The following ARID2 variants were observed in gnomAD, a reference collection of about 807,000 sequenced individuals.
The protein encoded by ARID2 is AT-rich interactive domain-containing protein 2.
Under a neutral mutation model 184.6 loss-of-function variants are expected in ARID2, and 32 were observed. The ratio of observed to expected loss-of-function variants is 0.17; its 90% CI spans 0.13 to 0.23. ARID2 has a LOEUF of 0.23. ARID2 is among the 10% of genes least tolerant of loss of function. The probability of loss-of-function intolerance (pLI) is 1.00; values close to 1 mark genes in which losing one functional copy is unlikely to be tolerated. For synonymous variants in ARID2, 836 were observed against 772.6 expected, an observed-to-expected ratio of 1.08 and a Z score of -1.36; for missense variants, 1,696 against 2,197.6, an observed-to-expected ratio of 0.77 and a Z score of 4.56.
intron 3 of ARID2, among the ~76,000 whole-genome samples, chr12:45,742,639 G>T (rs965024350): frequency 6.6e-6 from 1 of 152,054 alleles, no homozygotes; most frequent in Non-Finnish European, 1.5e-5. Flanking sequence ...GCTGCATAAT[G>T]TTCCCATCGT....
chr12:45,793,106 C>G (rs1276766454), intron 3 of ARID2, among the ~76,000 whole-genome samples: 1 of 152,046 alleles, frequency 6.6e-6, no homozygotes, highest in East Asian at 1.9e-4. Flanking sequence ...CGAGACCAGC[C>G]TGGCTAACAT....
intron 16 of ARID2, among the ~76,000 whole-genome samples, chr12:45,870,385 C>G (rs1208626174): frequency 3.3e-5 from 5 of 152,194 alleles, no homozygotes; most frequent in African/African-American, 1.2e-4. Flanking sequence ...ACAGTTTCCA[C>G]TATTATTGAC....
chr12:45,784,160 GTTTGT>G (rs978243497), intron 3 of ARID2, among the ~76,000 whole-genome samples: 7 of 151,696 alleles, frequency 4.6e-5, no homozygotes, highest in Non-Finnish European at 1.0e-4. Flanking sequence ...TGGCTAATTT[GTTTGT>G]TTTATTTTTA....
rs1943539916 is a variant in ARID2 at position 45,851,065 on chromosome 12, A to G, written c.2942A>G (p.Asn981Ser). 1.2e-6 allele frequency: 2 copies of G among 1,614,004 alleles called. No individual in the cohort carries two copies. The highest frequency in any genetic ancestry group is 1.7e-5 in the Admixed American group (1 of 60,002). Residue 981 changes from asparagine (N) to serine (S), a missense_variant, in exon 15 of 21, where the codon AAT becomes AGT. Asn to Ser is a conservative substitution (Grantham distance 46). Around this residue, in one of 11 missense-constraint regions of ARID2, gnomAD observed 713 missense variants for 824.4 expected, o/e 0.86. Coordinates refer to ENST00000334344, the MANE Select transcript of ARID2 (RefSeq NM_152641.4). ...SSSPSPVPATNNQVPTAMSSS... is the reference protein window; with the variant it reads ...SSSPSPVPATSNQVPTAMSSS... ...TCACCATCACCTGTCCCAGCTACTA[A>G]TAACCAAGTCCCTACTGCCATGTCG...
chr12:45,808,168 T>C (rs955246875), intron 3 of ARID2, among the ~76,000 whole-genome samples: 5 of 152,222 alleles, frequency 3.3e-5, no homozygotes, highest in Non-Finnish European at 5.9e-5. Flanking sequence ...TCTGTTGATA[T>C]GTAAACTCAA....
chr12:45,904,011 G>A (rs1944490267), intron 20 of ARID2, among the ~76,000 whole-genome samples: 1 of 151,972 alleles, frequency 6.6e-6, no homozygotes. Context: ...ACAGTTCTGG[G>A]TGATTTTTAC....
intron 15 of ARID2, among the ~76,000 whole-genome samples, chr12:45,854,610 T>G (rs754033490): frequency 2.0e-5 from 3 of 152,204 alleles, no homozygotes; most frequent in Non-Finnish European, 2.9e-5. Flanking sequence ...TCACCTTGAT[T>G]ATGTGCCTGT....
In ARID2 at chr12:45,905,431, G is replaced by T. The variant is rs897245144; in HGVS notation, c.*353G>T. ...ATGGAATATTGTAAAACCTACATGAGCAGATGAAATAGAAGCATTAAATAT... is the reference window on the plus strand; with the variant it reads ...ATGGAATATTGTAAAACCTACATGATCAGATGAAATAGAAGCATTAAATAT... On this transcript the variant is annotated 3_prime_UTR_variant, in exon 21 of 21. Transcript: ENST00000334344. 1 of 237,942 alleles carries T rather than the reference G, an allele frequency of 4.2e-6. No homozygotes were observed. Among genetic ancestry groups the T allele is most frequent in the African/African-American group, 2.2e-5 (1 of 45,550 alleles). The allele number at this position is 237,942 out of a possible 1,614,324, so 14.7% of individuals were successfully genotyped here.
At chr12:45,857,471 CTTTT>C (rs1943670363) in intron 15 of ARID2, among the ~76,000 whole-genome samples, 1 of 152,028 alleles carries the variant, frequency 6.6e-6, no homozygotes, top group African/African-American at 2.4e-5. Context: ...TATTACATAA[CTTTT>C]TTGTTTATAT....
chr12:45,895,716 G>A (rs916589702), intron 20 of ARID2, among the ~76,000 whole-genome samples: 2 of 152,084 alleles, frequency 1.3e-5, no homozygotes, highest in African/African-American at 2.4e-5. Flanking sequence ...TGTATTTTTA[G>A]TAGCGACAGA....
chr12:45,777,925 G>A (rs570809300), intron 3 of ARID2, among the ~76,000 whole-genome samples: 1 of 151,640 alleles, frequency 6.6e-6, no homozygotes, highest in African/African-American at 2.4e-5. Flanking sequence ...GTTAAAACCG[G>A]CCAGGCCCAG....
intron 5 of ARID2, 126 bp downstream of exon 5, chr12:45,818,014 G>T: frequency 1.5e-6 from 1 of 674,356 alleles, no homozygotes; most frequent in South Asian, 2.6e-5. Flanking sequence ...TTTATATTAT[G>T]CATTATTTAA....
At chr12:45,866,427 G>A (rs985574913) in intron 16 of ARID2, among the ~76,000 whole-genome samples, 1 of 152,128 alleles carries the variant, frequency 6.6e-6, no homozygotes, top group African/African-American at 2.4e-5. Context: ...CAGAACTGTG[G>A]TGAATAATTT....
At chr12:45,811,275 C>G (rs1942703280) in intron 3 of ARID2, 143 bp from the exon 4 acceptor site, 8 of 810,468 alleles carry the variant, frequency 9.9e-6, no homozygotes, top group Non-Finnish European at 1.3e-5. Flanking sequence ...ACTGGAGTTA[C>G]TGTTCTAATA....
intron 6 of ARID2, among the ~76,000 whole-genome samples, chr12:45,825,970 G>A (rs943512113): frequency 6.6e-6 from 1 of 151,976 alleles, no homozygotes; most frequent in Non-Finnish European, 1.5e-5. Context: ...ATCCTTACAG[G>A]CTTGGTTTCT....
chr12:45,849,029 C>A, intron 13 of ARID2, 59 bp downstream of exon 13: 1 of 1,533,320 alleles, frequency 6.5e-7, no homozygotes, highest in South Asian at 1.2e-5. Flanking sequence ...ATCTCTTGCT[C>A]TTTAAAGAAA....
At chr12:45,796,405 C>T (rs1249912544) in intron 3 of ARID2, among the ~76,000 whole-genome samples, 2 of 152,036 alleles carry the variant, frequency 1.3e-5, no homozygotes, top group Non-Finnish European at 2.9e-5. Context: ...TCCTTATAAG[C>T]AGTGACAGTT....
chr12:45,849,046 A>G (rs1164304544), intron 13 of ARID2, 76 bp downstream of exon 13: 3 of 1,472,174 alleles, frequency 2.0e-6, no homozygotes, highest in East Asian at 2.3e-5. Context: ...GAAAATACCA[A>G]ATATCTTATC....
rs1239130956 is a variant in ARID2 at position 45,837,356 on chromosome 12, T to C, written c.1059T>C (p.His353=). The C allele has an allele frequency of 6.2e-7, 1 of 1,611,812 alleles. No individual in the cohort carries two copies. The highest frequency in any genetic ancestry group is 8.5e-7 in the Non-Finnish European group (1 of 1,179,366). The change falls in exon 9 of 21, where the codon CAT becomes CAC. Residue 353 remains histidine (H), a synonymous_variant. Transcript: ENST00000334344. ...ACCCTGTTGATTTCAAAACTACTCA[T>C]CTGATGTTTCATACTGTTACAAAAT... The part of the protein sequence containing the change: ...LLDPVDFKTT[H]LMFHTVTKCL...
Sources: allele counts gnomAD v4.1 joint callset (sites outside exome capture counted in the v4.1 genomes callset), GRCh38; gene constraint gnomAD v4.1.1; regional missense constraint gnomAD v4.1.1; transcripts MANE v1.5; gene names NCBI Gene and HGNC (gene_info 2026-07-23, HGNC 2026-07-21).